The following MEIOB variants were observed in gnomAD, a reference collection of about 807,000 sequenced individuals.
MEIOB encodes meiosis specific with OB-fold, also known as meiosis-specific with OB domain-containing protein.
A neutral mutation model predicts 53.1 loss-of-function variants in MEIOB; 50 were observed. That is an observed-to-expected ratio of 0.94 (90% CI 0.75 to 1.19). The LOEUF (loss-of-function observed/expected upper bound fraction) is 1.19. MEIOB is among the 50% of genes most tolerant of loss of function. MEIOB has a pLI of 0.00. For missense variants in MEIOB, 551 were observed against 550.8 expected (o/e 1.00, Z 0.00); for synonymous variants, 192 against 182.5 (o/e 1.05, Z -0.42).
At chr16:1,849,846 C>A (rs888603678) in intron 9 of MEIOB, among the ~76,000 whole-genome samples, 2 of 152,108 alleles carry the variant, frequency 1.3e-5, no homozygotes, top group Admixed American at 6.5e-5. Flanking sequence ...ACAGATTTTA[C>A]GTGTTCTCAC....
intron 11 of MEIOB, chr16:1,839,885 C>G (rs1898854988): frequency 1.3e-5 from 2 of 154,448 alleles, no homozygotes; most frequent in African/African-American, 4.8e-5. Flanking sequence ...CTGGAAAGCA[C>G]GAGTTCAACA....
chr16:1,844,265 G>C (rs1454104795), intron 10 of MEIOB, among the ~76,000 whole-genome samples: 1 of 151,398 alleles, frequency 6.6e-6, no homozygotes, highest in African/African-American at 2.4e-5. Flanking sequence ...TGGGATTACA[G>C]GTGCCCCCTA....
intron 12 of MEIOB, among the ~76,000 whole-genome samples, chr16:1,838,580 C>A (rs556057233): frequency 6.6e-5 from 10 of 152,254 alleles, no homozygotes; most frequent in African/African-American, 2.2e-4. Context: ...GTAGGTGAAA[C>A]ACAGCCAAAT....
rs1464619944 is a variant in MEIOB, at chr16:1,834,288, T to C, written c.1384A>G (p.Ser462Gly). Residue 462 changes from serine (S) to glycine (G), a missense_variant, in exon 14 of 14, where the codon AGC becomes GGC. Physicochemically the swap from Ser to Gly is moderately conservative, Grantham distance 56. Coordinates refer to ENST00000325962, the MANE Select transcript of MEIOB (RefSeq NM_001163560.3). ...SCKLADPTEASRNLSGQKHV is the reference protein window; with the variant it reads ...SCKLADPTEAGRNLSGQKHV Reference sequence around the variant, plus strand: ...TGTTTTTGTCCAGACAAGTTTCTGCTTGCCTCAGTAGGATCTGCAAGCTTG... The same window carrying C: ...TGTTTTTGTCCAGACAAGTTTCTGCCTGCCTCAGTAGGATCTGCAAGCTTG... 6.2e-7 allele frequency: 1 copy of C among 1,612,222 alleles called. No homozygotes were observed. Among genetic ancestry groups the C allele is most frequent in the South Asian group, 1.1e-5 (1 of 90,894 alleles).
chr16:1,863,444 T>A (rs1899505055), intron 3 of MEIOB, among the ~76,000 whole-genome samples: 1 of 151,688 alleles, frequency 6.6e-6, no homozygotes, highest in African/African-American at 2.4e-5. Context: ...TGGAGTGCAA[T>A]GGCGCGATCT....
intron 9 of MEIOB, 39 bp downstream of exon 9, chr16:1,853,000 C>T: frequency 8.3e-7 from 1 of 1,210,928 alleles, no homozygotes; most frequent in Non-Finnish European, 1.2e-6. Flanking sequence ...TGTGTTCAGT[C>T]ATTTCCAAAG....
intron 9 of MEIOB, among the ~76,000 whole-genome samples, chr16:1,849,350 CT>C (rs1227997898): frequency 6.6e-6 from 1 of 152,046 alleles, no homozygotes; most frequent in Non-Finnish European, 1.5e-5. Context: ...CAAGACCATC[CT>C]GGCTAACATG....
intron 5 of MEIOB, among the ~76,000 whole-genome samples, chr16:1,859,371 G>A (rs1048472563): frequency 2.0e-5 from 3 of 151,924 alleles, no homozygotes; most frequent in Non-Finnish European, 2.9e-5. Flanking sequence ...GCAAAACCCC[G>A]CCTCTACTAA....
chr16:1,835,735 A>G (rs1898726788), intron 13 of MEIOB, among the ~76,000 whole-genome samples: 1 of 152,228 alleles, frequency 6.6e-6, no homozygotes, highest in South Asian at 2.1e-4. Flanking sequence ...TGGAATCCCC[A>G]TGAAGTCTGT....
At chr16:1,866,744 T>A (rs74320523) in intron 2 of MEIOB, among the ~76,000 whole-genome samples, 13 of 48,232 alleles carry the variant, frequency 2.7e-4, no homozygotes, top group Middle Eastern at 0.036. Context: ...AAAAAAAAAA[T>A]AATAAAAAAT....
chr16:1,843,080 G>T (rs1225302874), intron 10 of MEIOB, among the ~76,000 whole-genome samples: 3 of 151,088 alleles, frequency 2.0e-5, no homozygotes, highest in Non-Finnish European at 4.4e-5. Context: ...GGATCACGAG[G>T]TCAGGAGATC....
intron 9 of MEIOB, among the ~76,000 whole-genome samples, chr16:1,852,215 T>C (rs963378052): frequency 6.6e-6 from 1 of 151,340 alleles, no homozygotes; most frequent in East Asian, 1.9e-4. Flanking sequence ...TCAAAAATTA[T>C]CACAATGAAT....
In MEIOB at chr16:1,857,731, T is replaced by A. The variant is rs1283897532; in HGVS notation, c.528+4A>T. ...CACTTGGCTTTGTCGGGGTTTTAACTTACCGATTTCACAGCTGCAAGCACG... is the reference window on the plus strand; with the variant it reads ...CACTTGGCTTTGTCGGGGTTTTAACATACCGATTTCACAGCTGCAAGCACG... On this transcript the variant is annotated splice_donor_region_variant and intron_variant, in intron 6 of 13. Coordinates refer to ENST00000325962, the MANE Select transcript of MEIOB (RefSeq NM_001163560.3). 1 of 1,550,906 alleles carries A rather than the reference T, an allele frequency of 6.4e-7. No homozygotes were observed. The highest frequency in any genetic ancestry group is 1.4e-5 in the African/African-American group (1 of 73,046).
chr16:1,834,427 A>G, intron 13 of MEIOB, 61 bp from the exon 14 acceptor site: 2 of 897,462 alleles, frequency 2.2e-6, no homozygotes, highest in Non-Finnish European at 3.6e-6. Context: ...TTGTATATCA[A>G]GTTGAAAAAT....
At chr16:1,865,540 C>T (rs935939102) in intron 3 of MEIOB, among the ~76,000 whole-genome samples, 4 of 151,094 alleles carry the variant, frequency 2.6e-5, no homozygotes, top group East Asian at 1.9e-4. Context: ...TGTGTATACA[C>T]ATAAACATAT....
chr16:1,866,963 G>A (rs909382066), intron 2 of MEIOB, among the ~76,000 whole-genome samples: 4 of 152,034 alleles, frequency 2.6e-5, no homozygotes, highest in Non-Finnish European at 5.9e-5. Flanking sequence ...AGATCTCACT[G>A]AATTTTGTTG....
chr16:1,861,989 G>T lies in MEIOB; in HGVS notation c.255C>A (p.Asp85Glu), dbSNP rs1169546382. 7.1e-6 allele frequency: 11 copies of T among 1,549,180 alleles called. No individual in the cohort carries two copies. The highest frequency in any genetic ancestry group is 9.6e-6 in the Non-Finnish European group (11 of 1,146,230). Reference protein sequence around the residue: ...KSLSDSFRVGDCVIIENPLIQ... With the variant: ...KSLSDSFRVGECVIIENPLIQ... ...TAAGAATCAATGCCAACTTACCACA[G>T]TCACCAACCCTAAAGCTGTCAGAAA... Residue 85 changes from aspartate (D) to glutamate (E), a missense_variant, in exon 4 of 14, where the codon GAC becomes GAA. Asp to Glu is a conservative substitution (Grantham distance 45). Transcript: ENST00000325962.
intron 9 of MEIOB, among the ~76,000 whole-genome samples, chr16:1,847,118 G>A (rs1327027770): frequency 6.6e-6 from 1 of 152,130 alleles, no homozygotes; most frequent in African/African-American, 2.4e-5. Context: ...TCACGCCACT[G>A]CACTCCAGCC....
chr16:1,864,899 C>T (rs2150823965), intron 3 of MEIOB, among the ~76,000 whole-genome samples: 1 of 152,294 alleles, frequency 6.6e-6, no homozygotes, highest in Admixed American at 6.5e-5. Flanking sequence ...GAGATATAGA[C>T]TTCCTCAAAC....
Sources: gnomAD v4.1 joint callset for allele counts (sites outside exome capture counted in the v4.1 genomes callset) on GRCh38, gnomAD v4.1.1 for gene constraint, MANE v1.5 for transcripts, NCBI Gene and HGNC (gene_info 2026-07-23, HGNC 2026-07-21) for gene names.